TBC1D22A: variants seen among roughly 807,000 people sequenced by gnomAD.
TBC1D22A encodes the protein TBC1 domain family member 22A.
A neutral mutation model predicts 60.2 loss-of-function variants in TBC1D22A; 38 were observed. The ratio of observed to expected loss-of-function variants is 0.63; its 90% CI spans 0.49 to 0.83. The LOEUF (loss-of-function observed/expected upper bound fraction) is 0.83, where lower values mean the gene tolerates loss of function less well. TBC1D22A is among the 40% of genes least tolerant of loss of function. The pLI is 0.00. For missense variants in TBC1D22A, 628 were observed against 701.0 expected (o/e 0.90, Z 1.18); for synonymous variants, 302 against 281.7 (o/e 1.07, Z -0.72).
intron 8 of TBC1D22A, 57 bp downstream of exon 8, chr22:46,912,245 A>C: frequency 8.1e-7 from 1 of 1,227,540 alleles, no homozygotes; most frequent in South Asian, 1.3e-5. Flanking sequence ...GTGTGTTACT[A>C]TGTATAATTA....
chr22:46,846,742 G>A (rs1486941939), intron 4 of TBC1D22A, among the ~76,000 whole-genome samples: 1 of 151,730 alleles, frequency 6.6e-6, no homozygotes, highest in Admixed American at 6.6e-5. Context: ...TATGCCACCA[G>A]CCTCTCATCT....
chr22:46,962,715 C>G (rs912210191), intron 8 of TBC1D22A, among the ~76,000 whole-genome samples: 7 of 152,214 alleles, frequency 4.6e-5, no homozygotes, highest in Admixed American at 1.3e-4. Flanking sequence ...TGGGAGATCC[C>G]TGTTACAAAC....
chr22:46,974,438 A>C, intron 9 of TBC1D22A, 39 bp downstream of exon 9: 1 of 1,544,756 alleles, frequency 6.5e-7, no homozygotes, highest in Non-Finnish European at 8.8e-7. Flanking sequence ...CCACGCCCAC[A>C]GCCCCTGCGG....
intron 11 of TBC1D22A, among the ~76,000 whole-genome samples, chr22:47,100,839 G>A (rs999626924): frequency 6.6e-5 from 10 of 152,140 alleles, no homozygotes; most frequent in East Asian, 3.9e-4. Context: ...TCCCCTTCCC[G>A]CAGTAGGCTG....
At chr22:47,052,968 G>T (rs1051552068) in intron 11 of TBC1D22A, among the ~76,000 whole-genome samples, 2 of 152,216 alleles carry the variant, frequency 1.3e-5, no homozygotes, top group African/African-American at 4.8e-5. Context: ...ATGCTGGGCT[G>T]CTGGCTGGGC....
chr22:46,921,316 A>G (rs1211781854), intron 8 of TBC1D22A, among the ~76,000 whole-genome samples: 4 of 152,096 alleles, frequency 2.6e-5, no homozygotes, highest in Non-Finnish European at 5.9e-5. Flanking sequence ...TTTAGCTCCC[A>G]CTTATAAGTG....
At chr22:47,068,697 G>C (rs2063859782) in intron 11 of TBC1D22A, among the ~76,000 whole-genome samples, 1 of 152,206 alleles carries the variant, frequency 6.6e-6, no homozygotes, top group South Asian at 2.1e-4. Flanking sequence ...GGATATGATT[G>C]TGTCCTTTTA....
chr22:46,774,024 C>T (rs1243601580), intron 1 of TBC1D22A: 2 of 985,456 alleles, frequency 2.0e-6, no homozygotes, highest in East Asian at 1.1e-4. Context: ...AAAGCTGACT[C>T]ACTCACCAGG....
intron 11 of TBC1D22A, among the ~76,000 whole-genome samples, chr22:47,068,353 C>T (rs2072837874): frequency 6.6e-6 from 1 of 152,250 alleles, no homozygotes; most frequent in Non-Finnish European, 1.5e-5. Flanking sequence ...CAAAGGCCAT[C>T]AGGAGAGCCG....
chr22:46,903,868 C>T (rs532571321), intron 7 of TBC1D22A, among the ~76,000 whole-genome samples: 26 of 152,272 alleles, frequency 1.7e-4, no homozygotes, highest in Admixed American at 1.4e-3. Flanking sequence ...GAACTCCCAG[C>T]AAACCGGGAA....
intron 11 of TBC1D22A, among the ~76,000 whole-genome samples, chr22:47,070,010 TC>T (rs2063919650): frequency 7.3e-6 from 1 of 137,818 alleles, no homozygotes; most frequent in African/African-American, 3.0e-5. Flanking sequence ...CCCAGCGCTG[TC>T]CCCTGTTGTT....
intron 9 of TBC1D22A, among the ~76,000 whole-genome samples, chr22:46,977,287 G>T (rs2074336522): frequency 6.6e-6 from 1 of 152,158 alleles, no homozygotes; most frequent in Non-Finnish European, 1.5e-5. Context: ...GCCTCAATTT[G>T]AGATTCCGTA....
chr22:47,159,119 C>T (rs1368783527), intron 12 of TBC1D22A, among the ~76,000 whole-genome samples: 2 of 150,364 alleles, frequency 1.3e-5, no homozygotes, highest in Non-Finnish European at 3.0e-5. Flanking sequence ...ACCATATATA[C>T]ACACACACAC....
Position 46,901,906 on chromosome 22 carries a change from A to G in TBC1D22A, c.900+7060A>G, listed in dbSNP as rs543430355. The stretch of plus-strand genomic sequence containing the variant: ...CCGTGATGTCACATTGCTGATGCAT[A>G]TAGAATTATGATGTTTTAAAATTTC... On this transcript the variant is annotated intron_variant, in intron 7 of 12. Transcript: ENST00000337137. Among the ~76,000 whole-genome samples the G allele has an allele frequency of 2.0e-5, 3 of 152,070 alleles. No individual in the cohort carries two copies. In the South Asian group the frequency reaches 6.2e-4, roughly 32 times the overall value.
At chr22:46,949,239 A>T (rs898454876) in intron 8 of TBC1D22A, among the ~76,000 whole-genome samples, 7 of 152,250 alleles carry the variant, frequency 4.6e-5, no homozygotes, top group African/African-American at 1.7e-4. Flanking sequence ...ACCTGGAACC[A>T]CCATGAGCAT....
chr22:46,912,107 C>T lies in TBC1D22A; in HGVS notation c.934C>T (p.Arg312Cys), dbSNP rs988342620. The T allele has an allele frequency of 3.9e-5, 63 of 1,613,728 alleles. No individual in the cohort carries two copies. Among genetic ancestry groups the T allele is most frequent in the Non-Finnish European group, 5.1e-5 (60 of 1,179,924 alleles). Reference sequence around the variant, plus strand: ...AAGGATCTTGTTCATATGGGCGATCCGCCACCCAGCCAGTGGATACGTTCA... The same window carrying T: ...AAGGATCTTGTTCATATGGGCGATCTGCCACCCAGCCAGTGGATACGTTCA... ...FERILFIWAI[R>C]HPASGYVQGI... is the part of the protein sequence containing the mutation. Residue 312 changes from arginine to cysteine, a missense_variant, in exon 8 of 13, where the codon CGC (arginine) becomes TGC (cysteine). Arg to Cys is a radical substitution (Grantham distance 180, BLOSUM62 -3). Coordinates refer to ENST00000337137, the MANE Select transcript of TBC1D22A (RefSeq NM_014346.5).
intron 1 of TBC1D22A, among the ~76,000 whole-genome samples, chr22:46,787,124 T>TA (rs1472007978): frequency 6.6e-6 from 1 of 152,242 alleles, no homozygotes; most frequent in East Asian, 1.9e-4. Context: ...CAGTTGTTCA[T>TA]AATATTCTCA....
intron 1 of TBC1D22A, among the ~76,000 whole-genome samples, chr22:46,774,644 T>C (rs2083622865): frequency 6.6e-6 from 1 of 152,188 alleles, no homozygotes; most frequent in South Asian, 2.1e-4. Context: ...CGGCCTGCAG[T>C]GGGGAAGGTG....
chr22:46,831,769 A>G (rs1377681221), intron 4 of TBC1D22A, among the ~76,000 whole-genome samples: 10 of 152,232 alleles, frequency 6.6e-5, no homozygotes, highest in Admixed American at 6.5e-4. Context: ...GGAACCTCCA[A>G]TTACCTTTTA....
Sources: allele counts gnomAD v4.1 joint callset (sites outside exome capture counted in the v4.1 genomes callset), GRCh38; gene constraint gnomAD v4.1.1; transcripts MANE v1.5; gene names NCBI Gene and HGNC (gene_info 2026-07-23, HGNC 2026-07-21).